The following HSD17B12 variants were observed in gnomAD, a reference collection of about 807,000 sequenced individuals.
HSD17B12 encodes hydroxysteroid 17-beta dehydrogenase 12.
HSD17B12 carries 32 observed loss-of-function variants against 39.3 expected under a neutral mutation model. The observed-to-expected ratio is 0.81, with a 90% confidence interval of 0.61 to 1.09. The LOEUF (loss-of-function observed/expected upper bound fraction) is 1.09, where lower values mean the gene tolerates loss of function less well. Among genes scored for constraint, HSD17B12 ranks in the 50% least tolerant of loss-of-function variants. HSD17B12 has a pLI of 0.00. For missense variants in HSD17B12, 342 were observed against 382.9 expected (o/e 0.89, Z 0.89); for synonymous variants, 150 against 146.7 (o/e 1.02, Z -0.16).
At chr11:43,816,603 T>C (rs1388973942) in intron 6 of HSD17B12, among the ~76,000 whole-genome samples, 1 of 152,036 alleles carries the variant, frequency 6.6e-6, no homozygotes, top group Non-Finnish European at 1.5e-5. Context: ...CATTTATTTT[T>C]ATTTTATTTA....
the HSD17B12 span, among the ~76,000 whole-genome samples, chr11:43,643,175 G>T: frequency 6.6e-6 from 1 of 152,058 alleles, no homozygotes; most frequent in East Asian, 1.9e-4. Flanking sequence ...CTTAGTGTAT[G>T]CATCAAATAC....
intron 1 of HSD17B12, among the ~76,000 whole-genome samples, chr11:43,723,798 C>T (rs559116939): frequency 2.8e-4 from 43 of 152,154 alleles, no homozygotes; most frequent in Non-Finnish European, 5.0e-4. Context: ...ATTTTTAGAC[C>T]TGCGTTGCCA....
In HSD17B12 at chr11:43,856,195, A is replaced by G. The variant is rs1446877168; in HGVS notation, c.*947A>G. On this transcript the variant is annotated 3_prime_UTR_variant, in exon 11 of 11. Coordinates refer to ENST00000278353, the MANE Select transcript of HSD17B12 (RefSeq NM_016142.3). ...TAATAAAACATGCTGCAACCATGGT[A>G]TACAACAAAAATACATTTCTTTGGT... is the stretch of plus-strand genomic sequence containing the variant. The G allele has an allele frequency of 2.6e-5, 4 of 152,258 alleles. No homozygotes were observed. Among genetic ancestry groups the G allele is most frequent in the Admixed American group, 2.6e-4 (4 of 15,284 alleles). The allele number at this position is 152,258 out of a possible 1,614,324, so 9.4% of individuals were successfully genotyped here.
chr11:43,704,365 T>G (rs1468283624), intron 1 of HSD17B12, among the ~76,000 whole-genome samples: 1 of 152,238 alleles, frequency 6.6e-6, no homozygotes, highest in Non-Finnish European at 1.5e-5. Flanking sequence ...TAAAAATGAC[T>G]GCTGACTAAA....
intron 1 of HSD17B12, among the ~76,000 whole-genome samples, chr11:43,728,304 G>A (rs1401187201): frequency 1.3e-5 from 2 of 152,180 alleles, no homozygotes; most frequent in Middle Eastern, 3.4e-3. Context: ...GACCTCAGGT[G>A]ATCTGCCCAC....
At chr11:43,828,388 G>T (rs989777266) in intron 6 of HSD17B12, among the ~76,000 whole-genome samples, 1 of 127,300 alleles carries the variant, frequency 7.9e-6, no homozygotes, top group South Asian at 2.6e-4. Context: ...GTGATCCGCC[G>T]CCTCGGCCTC....
At chr11:43,702,987 A>C (rs2134813800) in intron 1 of HSD17B12, among the ~76,000 whole-genome samples, 1 of 152,204 alleles carries the variant, frequency 6.6e-6, no homozygotes, top group Non-Finnish European at 1.5e-5. Context: ...TTGCATCAGT[A>C]TTCATCAGAG....
the HSD17B12 span, among the ~76,000 whole-genome samples, chr11:43,607,060 G>T: frequency 6.6e-6 from 1 of 152,066 alleles, no homozygotes; most frequent in African/African-American, 2.4e-5. Context: ...TATGTAAAGT[G>T]CTTAGCTCAG....
At chr11:43,721,753 G>A (rs950885688) in intron 1 of HSD17B12, among the ~76,000 whole-genome samples, 8 of 152,278 alleles carry the variant, frequency 5.3e-5, no homozygotes, top group Middle Eastern at 3.4e-3. Flanking sequence ...AGAGGGGCAT[G>A]AACGAGGTCA....
chr11:43,706,137 A>G (rs1950012612), intron 1 of HSD17B12, among the ~76,000 whole-genome samples: 1 of 152,156 alleles, frequency 6.6e-6, no homozygotes, highest in African/African-American at 2.4e-5. Flanking sequence ...TTTAAGAACC[A>G]TGAGAGCCTG....
intron 1 of HSD17B12, among the ~76,000 whole-genome samples, chr11:43,742,128 TA>T (rs1565071514): frequency 2.0e-4 from 23 of 115,794 alleles, no homozygotes; most frequent in African/African-American, 7.1e-4. Flanking sequence ...TATATATATA[TA>T]TATATATATA....
At chr11:43,614,243 C>A in the HSD17B12 span, among the ~76,000 whole-genome samples, 1 of 152,118 alleles carries the variant, frequency 6.6e-6, no homozygotes, top group Non-Finnish European at 1.5e-5. Context: ...ATTTTGCCTT[C>A]ATTTTTTGAA....
intron 4 of HSD17B12, among the ~76,000 whole-genome samples, chr11:43,807,357 G>A (rs1031729309): frequency 5.3e-5 from 8 of 152,164 alleles, no homozygotes; most frequent in Non-Finnish European, 8.8e-5. Flanking sequence ...ATAGACATGG[G>A]AAGGGTTTCC....
chr11:43,702,599 T>C (rs1949975032), intron 1 of HSD17B12, among the ~76,000 whole-genome samples: 1 of 152,200 alleles, frequency 6.6e-6, no homozygotes, highest in Non-Finnish European at 1.5e-5. Flanking sequence ...TATCCTTTAT[T>C]CTGTTGATAT....
chr11:43,652,607 T>G, the HSD17B12 span, among the ~76,000 whole-genome samples: 1 of 152,118 alleles, frequency 6.6e-6, no homozygotes, highest in Non-Finnish European at 1.5e-5. Flanking sequence ...ACCCCCTGTT[T>G]GGGTTCAATT....
rs1360730789 is a variant in HSD17B12, at chr11:43,763,970, C to T, written c.283+9849C>T. Among the ~76,000 whole-genome samples the T allele has an allele frequency of 2.6e-5, 4 of 152,112 alleles. No homozygotes were observed. The East Asian group carries it at 7.7e-4, about 29-fold the overall frequency. ...CAAGAGGTGATATTTGAAAGTTTTC[C>T]ACAGATGGCGTGAAGAGTTACTTAG... is the stretch of plus-strand genomic sequence containing the variant. On this transcript the variant is annotated intron_variant, in intron 3 of 10. Transcript: ENST00000278353.
intron 1 of HSD17B12, among the ~76,000 whole-genome samples, chr11:43,722,929 C>A (rs1408156889): frequency 2.3e-4 from 35 of 152,126 alleles, no homozygotes; most frequent in Non-Finnish European, 2.9e-5. Flanking sequence ...GATGTGATGT[C>A]ATTTACTTTT....
chr11:43,856,404 TAAAAG>T lies in HSD17B12; in HGVS notation c.*1161_*1165del. On this transcript the variant is annotated 3_prime_UTR_variant, in exon 11 of 11. Transcript: ENST00000278353. ...GTTTTCAGCACCAGTAGATTTGTATTAAAAGAAAAAAAAATGGGGCCTTAGCTTCT... is the reference window on the plus strand; with the variant it reads ...GTTTTCAGCACCAGTAGATTTGTATTAAAAAAAAATGGGGCCTTAGCTTCT... The T allele has an allele frequency of 6.6e-6, 1 of 151,890 alleles. No homozygotes were observed. Among genetic ancestry groups the T allele is most frequent in the East Asian group, 1.9e-4 (1 of 5,174 alleles). The allele number at this position is 151,890 out of a possible 1,614,324, so 9.4% of individuals were successfully genotyped here. A position where few individuals can be genotyped will look rare whatever the true frequency, so the allele number is the denominator to read the frequency against.
intron 1 of HSD17B12, chr11:43,733,975 G>A (rs1950292742): frequency 1.1e-5 from 8 of 713,828 alleles, no homozygotes; most frequent in African/African-American, 1.7e-5. Context: ...TCTCGACCAC[G>A]TAATGCTCCA....
Sources: gnomAD v4.1 joint callset for allele counts (sites outside exome capture counted in the v4.1 genomes callset) on GRCh38, gnomAD v4.1.1 for gene constraint, MANE v1.5 for transcripts, NCBI Gene and HGNC (gene_info 2026-07-23, HGNC 2026-07-21) for gene names.